Variants in ME2 observed in about 807,000 individuals in gnomAD.
ME2 encodes the protein malic enzyme 2.
Under a neutral mutation model 73.7 loss-of-function variants are expected in ME2, and 60 were observed. The ratio of observed to expected loss-of-function variants is 0.81; its 90% CI spans 0.66 to 1.01. The LOEUF (loss-of-function observed/expected upper bound fraction) is 1.01. Among genes scored for constraint, ME2 ranks in the 50% least tolerant of loss-of-function variants. ME2 has a pLI of 0.00. For synonymous variants in ME2, 199 were observed against 236.9 expected (o/e 0.84, Z 1.47); for missense variants, 594 against 705.5 (o/e 0.84, Z 1.79).
In ME2 at chr18:50,926,124, T is replaced by TA. The variant is rs533928259; in HGVS notation, c.1314+228dup. 2.5e-4 allele frequency among the ~76,000 whole-genome samples: 38 copies of TA among 152,326 alleles called. No individual in the cohort carries two copies. The South Asian group carries it at 3.5e-3, about 14-fold the overall frequency. ...CTGTTTGCACTATTGTTGTGAATTT[T>TA]AATTTTCTATGTATTTTAAACTCAA... On this transcript the variant is annotated intron_variant, in intron 12 of 15. Transcript: ENST00000321341.
intron 2 of ME2, 65 bp from the exon 3 acceptor site, chr18:50,907,998 G>A (rs964434822): frequency 5.1e-6 from 6 of 1,175,680 alleles, no homozygotes; most frequent in South Asian, 1.7e-5. Flanking sequence ...ATTATATTTT[G>A]AAGAACAATG....
chr18:50,884,615 G>C (rs1916410412), intron 1 of ME2, among the ~76,000 whole-genome samples: 1 of 152,114 alleles, frequency 6.6e-6, no homozygotes, highest in South Asian at 2.1e-4. Context: ...CAAAGGGCTG[G>C]GATTACAGGC....
At chr18:50,881,151 T>C (rs1197516398) in intron 1 of ME2, among the ~76,000 whole-genome samples, 2 of 152,122 alleles carry the variant, frequency 1.3e-5, no homozygotes, top group African/African-American at 4.8e-5. Flanking sequence ...GCCTCAGCCT[T>C]CTGAGTAGCT....
At position 50,932,325 on chromosome 18, in the gene ME2, C is replaced by T. The variant is rs978555595; in HGVS notation, c.1382C>T (p.Thr461Ile). The stretch of plus-strand genomic sequence containing the variant: ...AAACTTACAGATGGGCGAGTCTTTA[C>T]ACCAGGTCAAGGAAACAATGTTTAT... The part of the protein sequence containing the change: ...PVKLTDGRVF[T>I]PGQGNNVYIF... Residue 461 changes from threonine to isoleucine, a missense_variant, in exon 13 of 16, where the codon ACA becomes ATA. By Grantham distance (89) the Thr-to-Ile change is moderately conservative (BLOSUM62 -1). Coordinates refer to ENST00000321341, the MANE Select transcript of ME2 (RefSeq NM_002396.5). 2.5e-6 allele frequency: 4 copies of T among 1,613,000 alleles called. No individual in the cohort carries two copies. The highest frequency in any genetic ancestry group is 4.5e-5 in the East Asian group (2 of 44,842).
At chr18:50,922,469 T>C (rs1917451334) in intron 10 of ME2, among the ~76,000 whole-genome samples, 1 of 152,214 alleles carries the variant, frequency 6.6e-6, no homozygotes. Context: ...TTTACTAGTA[T>C]GTAAGGCACA....
In ME2 at chr18:50,917,513, G is replaced by T; in HGVS notation, c.630+5G>T. On this transcript the variant is annotated splice_donor_5th_base_variant and intron_variant, in intron 6 of 15. Coordinates refer to ENST00000321341, the MANE Select transcript of ME2 (RefSeq NM_002396.5). ...GATGTGGGAACTGATAATATCGTGA[G>T]TAACATCATTTTCCCCCTTTATCTT... 6.4e-7 allele frequency: 1 copy of T among 1,555,030 alleles called. No homozygotes were observed. Among genetic ancestry groups the T allele is most frequent in the Non-Finnish European group, 8.8e-7 (1 of 1,141,730 alleles).
chr18:50,897,908 G>A (rs911005742), intron 2 of ME2, among the ~76,000 whole-genome samples: 6 of 151,894 alleles, frequency 4.0e-5, no homozygotes, highest in African/African-American at 1.2e-4. Flanking sequence ...CTAACATTCT[G>A]GCCTTCTGAA....
In ME2 at chr18:50,932,337, G is replaced by T; in HGVS notation, c.1394G>T (p.Gly465Val). The change falls in exon 13 of 16, where the codon GGA becomes GTA. Residue 465 changes from glycine (G) to valine (V), a missense_variant. Transcript: ENST00000321341. The stretch of plus-strand genomic sequence containing the variant: ...GGGCGAGTCTTTACACCAGGTCAAG[G>T]AAACAATGTTTATATTTTTCCAGGT... ...TDGRVFTPGQ[G>V]NNVYIFPGVA... is the part of the protein sequence containing the mutation. The T allele has an allele frequency of 6.2e-7, 1 of 1,612,708 alleles. No homozygotes were observed. The highest frequency in any genetic ancestry group is 1.3e-5 in the African/African-American group (1 of 74,970).
intron 4 of ME2, among the ~76,000 whole-genome samples, chr18:50,915,041 A>G (rs561435615): frequency 1.3e-5 from 2 of 152,122 alleles, no homozygotes; most frequent in East Asian, 3.9e-4. Context: ...GTCCATTTAT[A>G]CTCAGATTTT....
rs1156943152 is a variant in ME2, at chr18:50,950,195, C to T, written c.*3011C>T. The T allele has an allele frequency of 6.6e-6, 1 of 152,102 alleles. No homozygotes were observed. The highest frequency in any genetic ancestry group is 1.5e-5 in the Non-Finnish European group (1 of 68,018). 9.4% of individuals were successfully genotyped at this position (152,102 alleles called of 1,614,324 possible). A position where few individuals can be genotyped will look rare whatever the true frequency, so the allele number is the denominator to read the frequency against. On this transcript the variant is annotated 3_prime_UTR_variant, in exon 16 of 16. Transcript: ENST00000321341. The stretch of plus-strand genomic sequence containing the variant: ...TTATTGACAATGAGAAGTTTTAGTC[C>T]AAGATTTTAGTTAAAATATTTTAAA...
chr18:50,920,603 T>G (rs977355174), intron 8 of ME2, 38 bp downstream of exon 8: 2 of 1,571,030 alleles, frequency 1.3e-6, no homozygotes, highest in African/African-American at 2.8e-5. Context: ...ATTCCTACTT[T>G]TTAAACATTT....
At chr18:50,918,788 A>G (rs1288472085) in intron 7 of ME2, among the ~76,000 whole-genome samples, 1 of 149,902 alleles carries the variant, frequency 6.7e-6, no homozygotes. Context: ...TCTTTCAGCC[A>G]TGTCAACTAT....
intron 5 of ME2, 123 bp from the exon 6 acceptor site, chr18:50,917,224 G>T: frequency 1.3e-6 from 1 of 745,118 alleles, no homozygotes; most frequent in Non-Finnish European, 2.1e-6. Context: ...AATTAGCCAA[G>T]AAACAATTTT....
At chr18:50,943,914 A>C (rs1918022581) in intron 15 of ME2, among the ~76,000 whole-genome samples, 1 of 152,188 alleles carries the variant, frequency 6.6e-6, no homozygotes. Context: ...GGAAGATATT[A>C]GTCAGTTAAG....
intron 4 of ME2, among the ~76,000 whole-genome samples, chr18:50,913,860 T>TACACACAC (rs1555677139): frequency 0.049 from 7,088 of 143,224 alleles, 325 homozygotes; most frequent in African/African-American, 0.12. Flanking sequence ...AGCAATATTA[T>TACACACAC]ACACACACAC....
chr18:50,885,497 G>A (rs1036432718), intron 1 of ME2, among the ~76,000 whole-genome samples: 9 of 151,930 alleles, frequency 5.9e-5, no homozygotes, highest in African/African-American at 1.9e-4. Flanking sequence ...CAGCCTGAGT[G>A]ACAGAGTGAG....
At chr18:50,904,286 T>C (rs2144210940) in intron 2 of ME2, among the ~76,000 whole-genome samples, 1 of 151,672 alleles carries the variant, frequency 6.6e-6, no homozygotes, top group South Asian at 2.1e-4. Context: ...TCTGTTTTTT[T>C]TTTTTTTTCT....
rs145879656 is a variant in ME2, at chr18:50,936,480, G to A, written c.1418-3090G>A. 3.9e-3 allele frequency among the ~76,000 whole-genome samples: 598 copies of A among 152,250 alleles called. 9 individuals carry two copies. In the East Asian group the frequency reaches 0.056, roughly 14 times the overall value. ...AATAAGTGGGTGGGTACAACAAAAT[G>A]AATGTTGTTTATATAGAGTGAAACA... is the stretch of plus-strand genomic sequence containing the variant. On this transcript the variant is annotated intron_variant, in intron 13 of 15. Coordinates refer to ENST00000321341, the MANE Select transcript of ME2 (RefSeq NM_002396.5).
At chr18:50,889,294 GT>G (rs1433542547) in intron 1 of ME2, among the ~76,000 whole-genome samples, 1 of 152,154 alleles carries the variant, frequency 6.6e-6, no homozygotes, top group Non-Finnish European at 1.5e-5. Flanking sequence ...TGATTAGAGG[GT>G]TAGAACTTTC....
Sources: allele counts gnomAD v4.1 joint callset (sites outside exome capture counted in the v4.1 genomes callset), GRCh38; gene constraint gnomAD v4.1.1; transcripts MANE v1.5; gene names NCBI Gene and HGNC (gene_info 2026-07-23, HGNC 2026-07-21).